CERT1: variants seen among roughly 807,000 people sequenced by gnomAD.
CERT1 encodes ceramide transfer protein.
CERT1 carries 31 observed loss-of-function variants against 87.9 expected under a neutral mutation model. The ratio of observed to expected loss-of-function variants is 0.35; its 90% CI spans 0.27 to 0.48. The LOEUF is 0.48. Among genes scored for constraint, CERT1 ranks in the 20% least tolerant of loss-of-function variants. The probability of loss-of-function intolerance (pLI) is 0.99; values close to 1 mark genes in which losing one functional copy is unlikely to be tolerated. For missense variants in CERT1, 487 were observed against 758.0 expected (o/e 0.64, Z 4.20); for synonymous variants, 289 against 250.9 (o/e 1.15, Z -1.44).
At chr5:75,374,921 TTG>T (rs773528022), downstream of CERT1, 115 of 337,154 alleles carry the variant, frequency 3.4e-4, no homozygotes, top group Admixed American at 8.9e-4. Context: ...GGTGAGAATT[TTG>T]TGTGTGTGTT....
intron 2 of CERT1, among the ~76,000 whole-genome samples, chr5:75,496,286 A>T (rs1767063292): frequency 1.4e-5 from 2 of 139,642 alleles, no homozygotes; most frequent in Admixed American, 7.2e-5. Context: ...GGTTAAGATT[A>T]AAAAAAAAAA....
chr5:75,425,850 T>C (rs1044513310), intron 4 of CERT1, among the ~76,000 whole-genome samples: 2 of 152,248 alleles, frequency 1.3e-5, no homozygotes, highest in Non-Finnish European at 2.9e-5. Context: ...TGAAAGACTT[T>C]GAAATGGGAA....
intron 3 of CERT1, among the ~76,000 whole-genome samples, chr5:75,454,072 A>G (rs1454293423): frequency 2.0e-5 from 3 of 152,204 alleles, no homozygotes; most frequent in Non-Finnish European, 4.4e-5. Context: ...CTGATGAAGT[A>G]ACTGTGAAAT....
At chr5:75,469,513 AAG>A (rs1384765689) in intron 2 of CERT1, among the ~76,000 whole-genome samples, 2 of 152,120 alleles carry the variant, frequency 1.3e-5, no homozygotes, top group Non-Finnish European at 2.9e-5. Flanking sequence ...GTGTAGTAAA[AAG>A]AGTTTATTTT....
chr5:75,383,594 G>A (rs189358657), intron 14 of CERT1, among the ~76,000 whole-genome samples: 19 of 152,190 alleles, frequency 1.2e-4, no homozygotes, highest in East Asian at 1.9e-4. Flanking sequence ...AGCAGCTACC[G>A]TGTAAAATTA....
intron 14 of CERT1, among the ~76,000 whole-genome samples, chr5:75,384,206 C>G (rs574479288): frequency 6.6e-6 from 1 of 152,102 alleles, no homozygotes; most frequent in South Asian, 2.1e-4. Flanking sequence ...AAATGGATTT[C>G]AGTATTTCAG....
intron 3 of CERT1, among the ~76,000 whole-genome samples, chr5:75,431,122 C>T (rs1763845967): frequency 6.6e-6 from 1 of 152,120 alleles, no homozygotes; most frequent in Non-Finnish European, 1.5e-5. Flanking sequence ...GGGTAAATTG[C>T]ATGCTGCTGG....
rs193165592 is a variant in CERT1 at position 75,464,858 on chromosome 5, A to G, written c.232-5677T>C. Among the ~76,000 whole-genome samples, 316 of 152,282 alleles carry G rather than the reference A, an allele frequency of 2.1e-3. 2 individuals carry two copies. In the East Asian group the frequency reaches 0.027, roughly 13 times the overall value. ...CTCCCAAAGTGCTGGGACTAGAGGC[A>G]TGAGCCACCGCAAGTGGCCCGGAGT... On this transcript the variant is annotated intron_variant, in intron 2 of 16. Coordinates refer to ENST00000643780, the MANE Select transcript of CERT1 (RefSeq NM_001379029.1).
Position 75,463,633 on chromosome 5 carries a change from G to A in CERT1, c.232-4452C>T, listed in dbSNP as rs148949727. Among the ~76,000 whole-genome samples the A allele has an allele frequency of 2.9e-3, 442 of 152,280 alleles. 2 individuals are homozygous for A. The highest frequency in any genetic ancestry group is 4.6e-3 in the Non-Finnish European group (311 of 68,022). On this transcript the variant is annotated intron_variant, in intron 2 of 16. Coordinates refer to ENST00000643780, the MANE Select transcript of CERT1 (RefSeq NM_001379029.1). ...TGGAATGTGGTAAATGACTTAACAG[G>A]TGTTACCAAAACACCAGGGGTTTGG...
At chr5:75,449,263 A>G (rs1561271079) in intron 3 of CERT1, among the ~76,000 whole-genome samples, 1 of 152,210 alleles carries the variant, frequency 6.6e-6, no homozygotes, top group Non-Finnish European at 1.5e-5. Context: ...TAGGAGAGCA[A>G]AAGTTATGAA....
intron 2 of CERT1, among the ~76,000 whole-genome samples, chr5:75,476,392 G>A (rs956934409): frequency 6.6e-6 from 1 of 151,816 alleles, no homozygotes; most frequent in Non-Finnish European, 1.5e-5. Flanking sequence ...ATGATTAAAA[G>A]GAAAACCAAA....
intron 2 of CERT1, among the ~76,000 whole-genome samples, chr5:75,494,519 C>T (rs1046233209): frequency 1.3e-5 from 2 of 152,116 alleles, no homozygotes; most frequent in African/African-American, 2.4e-5. Context: ...ACCAGACACC[C>T]ACGATTTTTT....
intron 7 of CERT1, among the ~76,000 whole-genome samples, chr5:75,411,964 T>C (rs1485096447): frequency 6.6e-6 from 1 of 151,554 alleles, no homozygotes. Context: ...TTATGTATTT[T>C]AACACTCTCC....
chr5:75,417,729 T>C (rs955175420), intron 6 of CERT1, among the ~76,000 whole-genome samples: 1 of 152,202 alleles, frequency 6.6e-6, no homozygotes, highest in African/African-American at 2.4e-5. Flanking sequence ...TAAATCAAAA[T>C]GTAAAATTTC....
At chr5:75,394,110 T>C (rs1762150244) in intron 11 of CERT1, among the ~76,000 whole-genome samples, 2 of 152,174 alleles carry the variant, frequency 1.3e-5, no homozygotes, top group Admixed American at 6.5e-5. Context: ...GCCTACCGTA[T>C]TGACAAAAGT....
intron 3 of CERT1, among the ~76,000 whole-genome samples, chr5:75,457,856 C>T (rs1039065850): frequency 1.3e-5 from 2 of 149,606 alleles, no homozygotes; most frequent in African/African-American, 2.5e-5. Flanking sequence ...ATCGTGTTAG[C>T]TTTTCTTTCT....
chr5:75,425,127 G>A (rs1042175843), intron 5 of CERT1: 2 of 406,686 alleles, frequency 4.9e-6, no homozygotes, highest in Non-Finnish European at 8.7e-6. Context: ...CAACAAAAAA[G>A]TAAATAAATA....
chr5:75,401,534 G>A (rs981153689), intron 9 of CERT1: 1 of 152,014 alleles, frequency 6.6e-6, no homozygotes, highest in Non-Finnish European at 1.5e-5. Flanking sequence ...AAAAAACTAA[G>A]GGAAACAAAT....
At chr5:75,491,826 A>G (rs969385154) in intron 2 of CERT1, among the ~76,000 whole-genome samples, 3 of 152,212 alleles carry the variant, frequency 2.0e-5, no homozygotes, top group African/African-American at 7.2e-5. Flanking sequence ...GCTTACCACA[A>G]GCCTACCACC....
Sources: allele counts gnomAD v4.1 joint callset (sites outside exome capture counted in the v4.1 genomes callset), GRCh38; gene constraint gnomAD v4.1.1; transcripts MANE v1.5; gene names NCBI Gene and HGNC (gene_info 2026-07-23, HGNC 2026-07-21).